OR2T11: variants seen among roughly 807,000 people sequenced by gnomAD.
OR2T11 encodes olfactory receptor family 2 subfamily T member 11.
Under a neutral mutation model 13.5 loss-of-function variants are expected in OR2T11, and 14 were observed. The ratio of observed to expected loss-of-function variants is 1.04; its 90% CI spans 0.69 to 1.62. The LOEUF (loss-of-function observed/expected upper bound fraction) is 1.62, where lower values mean the gene tolerates loss of function less well. OR2T11 is among the 40% of genes most tolerant of loss of function. The pLI is 0.00. For synonymous variants in OR2T11, 163 were observed against 154.6 expected (o/e 1.05, Z -0.40); for missense variants, 410 against 389.7 (o/e 1.05, Z -0.44).
At chr1:248,629,288 G>A (rs1439469079) in intron 1 of OR2T11, among the ~76,000 whole-genome samples, 1 of 142,570 alleles carries the variant, frequency 7.0e-6, no homozygotes, top group South Asian at 2.2e-4. Context: ...AGCTACTCAG[G>A]AGGTCGAGTT....
At chr1:248,627,726 TGTC>T (rs1660545374) in intron 1 of OR2T11, among the ~76,000 whole-genome samples, 1 of 143,124 alleles carries the variant, frequency 7.0e-6, no homozygotes. Flanking sequence ...AGTGGAGTCT[TGTC>T]TTTTAGGGTA....
At chr1:248,630,443 C>T (rs964812146) in intron 1 of OR2T11, among the ~76,000 whole-genome samples, 2 of 141,970 alleles carry the variant, frequency 1.4e-5, no homozygotes, top group Non-Finnish European at 3.0e-5. Flanking sequence ...AAAGGAGGGA[C>T]TTGCCACTTC....
chr1:248,625,953 A>G lies in OR2T11; in HGVS notation c.*225T>C, dbSNP rs749044360. 1 of 362,768 alleles carries G rather than the reference A, an allele frequency of 2.8e-6. No individual in the cohort carries two copies. The highest frequency in any genetic ancestry group is 4.9e-6 in the Non-Finnish European group (1 of 205,112). The allele number at this position is 362,768 out of a possible 1,614,324, so 22.5% of individuals were successfully genotyped here. A position where few individuals can be genotyped will look rare whatever the true frequency, so the allele number is the denominator to read the frequency against. ...TCTTCCCTAAATAAAAAGACTAGATAAATTATTTAACTTCATAATAAACCA... is the reference window on the plus strand; with the variant it reads ...TCTTCCCTAAATAAAAAGACTAGATGAATTATTTAACTTCATAATAAACCA... On this transcript the variant is annotated 3_prime_UTR_variant, in exon 2 of 2. Transcript: ENST00000641193.
At chr1:248,630,191 AATTTTTTTT>A in intron 1 of OR2T11, among the ~76,000 whole-genome samples, 1 of 143,144 alleles carries the variant, frequency 7.0e-6, no homozygotes, top group Non-Finnish European at 1.5e-5. Flanking sequence ...GAAGAGAAAT[AATTTTTTTT>A]AATGCTAGGC....
intron 1 of OR2T11, among the ~76,000 whole-genome samples, chr1:248,631,254 CTG>C (rs904123595): frequency 2.1e-5 from 3 of 143,768 alleles, no homozygotes; most frequent in Admixed American, 1.4e-4. Context: ...TTAAACAAAA[CTG>C]AGACATGTTG....
At position 248,626,557 on chromosome 1, in the gene OR2T11, A is replaced by G. The variant is rs149097411; in HGVS notation, c.572T>C (p.Leu191Ser). ...VLKLACADTS[L>S]YETLMYICCV... is the part of the protein sequence containing the mutation. ...GCAGATGTACATCAGAGTTTCATAC[A>G]AGGACGTGTCTGCACAGGCCAGTTT... Residue 191 changes from leucine to serine, a missense_variant, in exon 2 of 2, where the codon TTG becomes TCG. Physicochemically the swap from Leu to Ser is moderately radical, Grantham distance 145. Coordinates refer to ENST00000641193, the MANE Select transcript of OR2T11 (RefSeq NM_001001964.2). The G allele has an allele frequency of 8.3e-6, 13 of 1,571,170 alleles. 3 individuals carry two copies. The African/African-American group carries it at 1.6e-4, about 20-fold the overall frequency.
rs1354004653 is a variant in OR2T11 at position 248,633,664 on chromosome 1, A to T, written c.-145+1374T>A. On this transcript the variant is annotated intron_variant, in intron 1 of 1. Transcript: ENST00000641193. ...ATGTTCAAACATGTTTTCTGATTTTAATTTTTCCAAGTTTATAGAATACTT... is the reference window on the plus strand; with the variant it reads ...ATGTTCAAACATGTTTTCTGATTTTTATTTTTCCAAGTTTATAGAATACTT... Among the ~76,000 whole-genome samples the T allele has an allele frequency of 2.4e-5, 3 of 124,242 alleles. 1 individual carries two copies. In the East Asian group the frequency reaches 6.9e-4, roughly 28 times the overall value. 81.5% of individuals were successfully genotyped at this position (124,242 alleles called of 152,430 possible). A position where few individuals can be genotyped will look rare whatever the true frequency, so the allele number is the denominator to read the frequency against.
intron 1 of OR2T11, among the ~76,000 whole-genome samples, chr1:248,632,307 A>G (rs1207348610): frequency 1.4e-5 from 2 of 142,410 alleles, no homozygotes; most frequent in Admixed American, 6.8e-5. Context: ...TTGTCCTCGT[A>G]TCCTATATTT....
At chr1:248,628,218 C>T (rs953312890) in intron 1 of OR2T11, among the ~76,000 whole-genome samples, 1 of 143,080 alleles carries the variant, frequency 7.0e-6, no homozygotes, top group African/African-American at 2.8e-5. Context: ...AGCAACAGGC[C>T]ACCGTTTAAG....
chr1:248,630,231 C>A (rs1216310538), intron 1 of OR2T11, among the ~76,000 whole-genome samples: 2 of 139,672 alleles, frequency 1.4e-5, no homozygotes, highest in African/African-American at 2.9e-5. Context: ...ATCTTCAATG[C>A]AAAATAGACA....
rs1176661744 is a variant in OR2T11, at chr1:248,634,203, CTA to C, written c.-145+833_-145+834del. Among the ~76,000 whole-genome samples, 4 of 136,486 alleles carry C rather than the reference CTA, an allele frequency of 2.9e-5. 1 individual carries two copies. Among genetic ancestry groups the C allele is most frequent in the Admixed American group, 2.9e-4 (4 of 13,890 alleles). The allele number at this position is 136,486 out of a possible 152,430, so 89.5% of individuals were successfully genotyped here. ...CACTAGTATTTATTAAGGGCAAATT[CTA>C]TGTTAGGAAAAGTTTTAAGTGCTTG... On this transcript the variant is annotated intron_variant, in intron 1 of 1. Coordinates refer to ENST00000641193, the MANE Select transcript of OR2T11 (RefSeq NM_001001964.2).
rs1200190275 is a variant in OR2T11, at chr1:248,626,486, A to AG, written c.642dup (p.Tyr215LeufsTer15). On this transcript the variant is annotated frameshift_variant, in exon 2 of 2. Coordinates refer to ENST00000641193, the MANE Select transcript of OR2T11 (RefSeq NM_001001964.2). LOFTEE classifies it high-confidence loss of function. Reference sequence around the variant, plus strand: ...TGGATGGTTAACAAGATGAGGGAGTAGGAAGTGGAGATGATAGAGATGGGG... The same window carrying AG: ...TGGATGGTTAACAAGATGAGGGAGTAGGGAAGTGGAGATGATAGAGATGGGG... The AG allele has an allele frequency of 1.3e-6, 2 of 1,572,832 alleles. 1 individual carries two copies. Among genetic ancestry groups the AG allele is most frequent in the African/African-American group, 3.0e-5 (2 of 66,844 alleles).
chr1:248,625,876 G>A lies in OR2T11; in HGVS notation c.*302C>T, dbSNP rs1558171572. ...TTAAACATGAACAAATGTTGTGAAG[G>A]AGATCTAGTTCAGAGTGAAAGGTTG... On this transcript the variant is annotated 3_prime_UTR_variant, in exon 2 of 2. Coordinates refer to ENST00000641193, the MANE Select transcript of OR2T11 (RefSeq NM_001001964.2). 4.7e-6 allele frequency: 1 copy of A among 211,842 alleles called. No individual in the cohort carries two copies. The highest frequency in any genetic ancestry group is 1.2e-4 in the South Asian group (1 of 8,594). 13.1% of individuals were successfully genotyped at this position (211,842 alleles called of 1,614,324 possible). A position where few individuals can be genotyped will look rare whatever the true frequency, so the allele number is the denominator to read the frequency against.
At position 248,624,428 on chromosome 1, in the gene OR2T11, T is replaced by A. The variant is rs1305469935; in HGVS notation, c.*1750A>T. ...CACTAAGGTTACAAGTAACCTTTCA[T>A]GTTGCTAAATACAGTAACCAAATCT... On this transcript the variant is annotated 3_prime_UTR_variant, in exon 2 of 2. Transcript: ENST00000641193. 5.6e-5 allele frequency: 8 copies of A among 143,634 alleles called. 1 individual carries two copies. The highest frequency in any genetic ancestry group is 9.0e-5 in the Non-Finnish European group (6 of 66,368). The allele number at this position is 143,634 out of a possible 1,614,324, so 8.9% of individuals were successfully genotyped here.
Position 248,626,222 on chromosome 1 carries a change from C to A in OR2T11, c.907G>T (p.Ala303Ser), listed in dbSNP as rs1179244154. Reference sequence around the variant, plus strand: ...ACTTTCTGAGCAGATGAGCAACATGCAAATACCTTTTTAAATGCCCCTATG... The same window carrying A: ...ACTTTCTGAGCAGATGAGCAACATGAAAATACCTTTTTAAATGCCCCTATG... The part of the protein sequence containing the change: ...DVIGAFKKVF[A>S]CCSSAQKVAT... Residue 303 changes from alanine to serine, a missense_variant, in exon 2 of 2, where the codon GCA becomes TCA. Coordinates refer to ENST00000641193, the MANE Select transcript of OR2T11 (RefSeq NM_001001964.2). 9.6e-6 allele frequency: 15 copies of A among 1,563,848 alleles called. 3 individuals are homozygous for A. The highest frequency in any genetic ancestry group is 1.5e-5 in the African/African-American group (1 of 66,690).
chr1:248,629,557 C>T (rs1660575128), intron 1 of OR2T11, among the ~76,000 whole-genome samples: 1 of 140,652 alleles, frequency 7.1e-6, no homozygotes, highest in South Asian at 2.3e-4. Context: ...ATGAATCCCT[C>T]CAAGTCTAGT....
At chr1:248,633,822 C>G (rs1246723346) in intron 1 of OR2T11, among the ~76,000 whole-genome samples, 3 of 143,842 alleles carry the variant, frequency 2.1e-5, no homozygotes, top group Non-Finnish European at 4.5e-5. Context: ...TTTTCTGCTT[C>G]CACCCTTGAG....
Position 248,626,795 on chromosome 1 carries a change from G to T in OR2T11, c.334C>A (p.Leu112Met). ...TAGCAGTCATAGGCCATGAGGCCCA[G>T]GAGGAAGAACTCAGAACCAATCATG... The part of the protein sequence containing the change: ...LTMIGSEFFL[L>M]GLMAYDCYVA... The change falls in exon 2 of 2, where the codon CTG becomes ATG. Residue 112 changes from leucine to methionine, a missense_variant. By Grantham distance (15) the Leu-to-Met change is conservative (BLOSUM62 2). Transcript: ENST00000641193. 1.3e-6 allele frequency: 2 copies of T among 1,569,676 alleles called. 1 individual carries two copies. Among genetic ancestry groups the T allele is most frequent in the Middle Eastern group, 3.4e-4 (2 of 5,970 alleles).
intron 1 of OR2T11, 52 bp from the exon 2 acceptor site, chr1:248,627,324 C>T (rs1461831666): frequency 1.8e-6 from 1 of 542,880 alleles, no homozygotes; most frequent in South Asian, 2.3e-5. Flanking sequence ...AAAACCATGG[C>T]TGCATTTCCC....
Sources: gnomAD v4.1 joint callset for allele counts (sites outside exome capture counted in the v4.1 genomes callset) on GRCh38, gnomAD v4.1.1 for gene constraint, MANE v1.5 for transcripts, NCBI Gene and HGNC (gene_info 2026-07-23, HGNC 2026-07-21) for gene names.